ERG: variants seen among roughly 807,000 people sequenced by gnomAD.
The protein encoded by ERG is ETS transcription factor ERG, also known as transcriptional regulator ERG.
ERG carries 9 observed loss-of-function variants against 55.3 expected under a neutral mutation model. The ratio of observed to expected loss-of-function variants is 0.16; its 90% CI spans 0.10 to 0.28. ERG has a LOEUF of 0.28. ERG is among the 10% of genes least tolerant of loss of function. ERG has a pLI of 1.00. For missense variants in ERG, 434 were observed against 631.6 expected (o/e 0.69, Z 3.35); for synonymous variants, 223 against 237.3 (o/e 0.94, Z 0.55).
At chr21:38,410,261 G>A (rs1206414024) in intron 3 of ERG, among the ~76,000 whole-genome samples, 1 of 152,220 alleles carries the variant, frequency 6.6e-6, no homozygotes, top group Non-Finnish European at 1.5e-5. Flanking sequence ...AACTTTTGGA[G>A]ATGCTTCTGT....
chr21:38,414,402 G>C (rs1989191469), intron 3 of ERG, among the ~76,000 whole-genome samples: 2 of 152,182 alleles, frequency 1.3e-5, no homozygotes, highest in African/African-American at 4.8e-5. Context: ...AGCATATCTT[G>C]TGAGGGAGGC....
rs28395388 is a variant in ERG at position 38,488,812 on chromosome 21, C to T, written c.18+9551G>A. 2.8e-3 allele frequency among the ~76,000 whole-genome samples: 428 copies of T among 152,338 alleles called. 2 individuals carry two copies. Among genetic ancestry groups the T allele is most frequent in the African/African-American group, 9.7e-3 (404 of 41,584 alleles). ...GATTCAAAGGAGACAGAGGTGCCTA[C>T]GGGGCATGTTACTCATAGACAAGTC... On this transcript the variant is annotated intron_variant, in intron 1 of 9. Transcript: ENST00000288319.
intron 1 of ERG, among the ~76,000 whole-genome samples, chr21:38,612,390 A>G (rs2060233009): frequency 2.0e-5 from 3 of 152,092 alleles, no homozygotes; most frequent in African/African-American, 7.2e-5. Context: ...ATTTTATTTG[A>G]TTTCAAAACA....
intron 1 of ERG, among the ~76,000 whole-genome samples, chr21:38,611,555 C>T (rs1180672088): frequency 1.3e-5 from 2 of 152,184 alleles, no homozygotes; most frequent in Non-Finnish European, 2.9e-5. Context: ...CCCCAGATAG[C>T]TCCCGGCTCC....
intron 1 of ERG, among the ~76,000 whole-genome samples, chr21:38,494,534 A>C (rs1456701560): frequency 6.6e-6 from 1 of 152,256 alleles, no homozygotes; most frequent in Non-Finnish European, 1.5e-5. Flanking sequence ...ATTTTCCTGA[A>C]GACAACAGAA....
intron 1 of ERG, among the ~76,000 whole-genome samples, chr21:38,656,324 G>A (rs1030764451): frequency 6.6e-6 from 1 of 152,138 alleles, no homozygotes; most frequent in Non-Finnish European, 1.5e-5. Context: ...GGAACAGCAC[G>A]TTCCCATTGC....
chr21:38,521,775 T>A (rs2059596503), intron 2 of ERG, among the ~76,000 whole-genome samples: 1 of 152,220 alleles, frequency 6.6e-6, no homozygotes, highest in African/African-American at 2.4e-5. Context: ...TACTTGCAAC[T>A]CTAACTGAAT....
intron 1 of ERG, among the ~76,000 whole-genome samples, chr21:38,607,476 C>CA: frequency 6.6e-6 from 1 of 151,830 alleles, no homozygotes; most frequent in Non-Finnish European, 1.5e-5. Flanking sequence ...ACTAAAAATA[C>CA]AAAAAATTAG....
intron 1 of ERG, among the ~76,000 whole-genome samples, chr21:38,476,354 T>C (rs1035427919): frequency 5.9e-5 from 9 of 152,318 alleles, no homozygotes; most frequent in African/African-American, 1.9e-4. Flanking sequence ...AGGGGTCCCA[T>C]TGTCTCCACG....
At chr21:38,653,238 A>G (rs1220984397) in intron 1 of ERG, among the ~76,000 whole-genome samples, 1 of 152,188 alleles carries the variant, frequency 6.6e-6, no homozygotes, top group Non-Finnish European at 1.5e-5. Context: ...AGTGTCTTGC[A>G]TGAAGTCTTA....
chr21:38,415,891 G>C (rs1210293914), intron 3 of ERG, among the ~76,000 whole-genome samples: 6 of 152,076 alleles, frequency 3.9e-5, no homozygotes, highest in Non-Finnish European at 8.8e-5. Flanking sequence ...GTGTTGTCTG[G>C]CGATTGAGAA....
chr21:38,581,227 G>A (rs763632480), intron 1 of ERG, among the ~76,000 whole-genome samples: 11 of 152,198 alleles, frequency 7.2e-5, no homozygotes, highest in Non-Finnish European at 1.6e-4. Context: ...ACGCTGGGCT[G>A]GGGGCAGTGC....
At chr21:38,393,935 C>G (rs543065839) in intron 6 of ERG, among the ~76,000 whole-genome samples, 19 of 152,332 alleles carry the variant, frequency 1.2e-4, no homozygotes, top group Middle Eastern at 3.4e-3. Context: ...TTTCACATCT[C>G]TTGTGTTGGG....
chr21:38,539,513 T>C (rs2059735797), intron 2 of ERG, among the ~76,000 whole-genome samples: 1 of 152,230 alleles, frequency 6.6e-6, no homozygotes, highest in African/African-American at 2.4e-5. Flanking sequence ...ACATCCTATG[T>C]TCACTGTTCT....
intron 9 of ERG, 131 bp from the exon 10 acceptor site, chr21:38,384,054 T>A (rs12233325): frequency 0.18 from 228,032 of 1,236,906 alleles, 22,551 homozygotes; most frequent in South Asian, 0.29. Flanking sequence ...TGTCCGTCCA[T>A]CCCTCAGCTG....
intron 2 of ERG, among the ~76,000 whole-genome samples, chr21:38,517,026 G>A (rs926015898): frequency 6.6e-6 from 1 of 151,950 alleles, no homozygotes; most frequent in Non-Finnish European, 1.5e-5. Flanking sequence ...AAAGAAAATA[G>A]AGAAAACATT....
chr21:38,600,180 C>T (rs1248253970), intron 1 of ERG, among the ~76,000 whole-genome samples: 1 of 152,134 alleles, frequency 6.6e-6, no homozygotes, highest in Non-Finnish European at 1.5e-5. Flanking sequence ...GCAATCCCCA[C>T]CCAACCCCGC....
chr21:38,383,675 A>T lies in ERG; in HGVS notation c.1168T>A (p.Phe390Ile), dbSNP rs2146412076. ...GCCTGGGCGATCCCGTGGAAGTCGA[A>T]CTTGTAGGCGTAGCGCTTCCCATGG... Reference protein sequence around the residue: ...KVHGKRYAYKFDFHGIAQALQ... With the variant: ...KVHGKRYAYKIDFHGIAQALQ... Residue 390 changes from phenylalanine to isoleucine, a missense_variant, in exon 10 of 10, where the codon TTC becomes ATC. This residue lies in a region of ERG where 107 missense variants were observed against 126.8 expected (regional missense o/e 0.84). Coordinates refer to ENST00000288319, the MANE Select transcript of ERG (RefSeq NM_182918.4). The surrounding 1 kb of genome is among the most constrained non-coding windows in gnomAD (Gnocchi z 5.7). The T allele has an allele frequency of 6.2e-7, 1 of 1,614,128 alleles. No homozygotes were observed. The highest frequency in any genetic ancestry group is 8.5e-7 in the Non-Finnish European group (1 of 1,180,022).
Position 38,468,982 on chromosome 21 carries a change from C to CAAAAAAAAAA in ERG, c.19-23371_19-23362dup, listed in dbSNP as rs1261630693. Among the ~76,000 whole-genome samples, 92 of 28,986 alleles carry CAAAAAAAAAA rather than the reference C, an allele frequency of 3.2e-3. 6 individuals are homozygous for CAAAAAAAAAA. The highest frequency in any genetic ancestry group is 4.7e-3 in the Non-Finnish European group (70 of 14,836). The allele number at this position is 28,986 out of a possible 152,430, so 19.0% of individuals were successfully genotyped here. A position where few individuals can be genotyped will look rare whatever the true frequency, so the allele number is the denominator to read the frequency against. ...CCTGGGAGACAGCCAGACTCTGTCTCAAAAAAAAAAAAAAAAAAAGAAAAA... is the reference window on the plus strand; with the variant it reads ...CCTGGGAGACAGCCAGACTCTGTCTCAAAAAAAAAAAAAAAAAAAAAAAAAAAAAGAAAAA... On this transcript the variant is annotated intron_variant, in intron 1 of 9. Transcript: ENST00000288319.
Sources: allele counts gnomAD v4.1 joint callset (sites outside exome capture counted in the v4.1 genomes callset), GRCh38; gene constraint gnomAD v4.1.1; regional missense constraint gnomAD v4.1.1; non-coding constraint Gnocchi (gnomAD v3.1); transcripts MANE v1.5; gene names NCBI Gene and HGNC (gene_info 2026-07-23, HGNC 2026-07-21).